Variants in ADCY1 observed in about 807,000 individuals in gnomAD.
ADCY1 encodes adenylate cyclase type 1.
In ADCY1, 28 loss-of-function variants were observed where a neutral mutation model predicts 105.4. That is an observed-to-expected ratio of 0.27 (90% CI 0.20 to 0.36). The LOEUF is 0.36. ADCY1 is among the 10% of genes least tolerant of loss of function. The pLI, the probability that ADCY1 is intolerant of heterozygous loss-of-function variation, is 1.00. For synonymous variants in ADCY1, 655 were observed against 623.8 expected (o/e 1.05, Z -0.75); for missense variants, 977 against 1,434.2 (o/e 0.68, Z 5.15).
chr7:45,677,765 C>T lies in ADCY1; in HGVS notation c.1606-104C>T, dbSNP rs1400884155. ...ATTATTAAATGTCAGATTCCCAAAC[C>T]CGACCCCACCCTGCAGCGGATCTGG... On this transcript the variant is annotated intron_variant, in intron 8 of 19. Coordinates refer to ENST00000297323, the MANE Select transcript of ADCY1 (RefSeq NM_021116.4). 4.6e-6 allele frequency: 6 copies of T among 1,291,844 alleles called. No individual in the cohort carries two copies. The African/African-American group carries it at 8.9e-5, about 19-fold the overall frequency. The allele number at this position is 1,291,844 out of a possible 1,614,324, so 80.0% of individuals were successfully genotyped here.
In ADCY1 at chr7:45,657,897, ATGGGG is replaced by A; in HGVS notation, c.1307+18_1307+22del. 4 of 422,682 alleles carry A rather than the reference ATGGGG, an allele frequency of 9.5e-6. No individual in the cohort carries two copies. The highest frequency in any genetic ancestry group is 1.4e-5 in the Non-Finnish European group (3 of 217,024). The allele number at this position is 422,682 out of a possible 1,614,324, so 26.2% of individuals were successfully genotyped here. The stretch of plus-strand genomic sequence containing the variant: ...GCTGGCCTGCCAGGGTAAGTCGGGG[ATGGGG>A]TGGGGAGGGGAGGGAGGTGGGTGAT... On this transcript the variant is annotated intron_variant, in intron 6 of 19. Coordinates refer to ENST00000297323, the MANE Select transcript of ADCY1 (RefSeq NM_021116.4).
At chr7:45,609,081 A>G (rs944005464) in intron 2 of ADCY1, among the ~76,000 whole-genome samples, 1 of 152,222 alleles carries the variant, frequency 6.6e-6, no homozygotes, top group Admixed American at 6.5e-5. Flanking sequence ...GGCTGTGCTC[A>G]TGGAATGCTA....
Position 45,574,610 on chromosome 7 carries a change from C to G in ADCY1, c.67C>G (p.Arg23Gly). The change falls in exon 1 of 20, where the codon CGG becomes GGG. Residue 23 changes from arginine to glycine, a missense_variant. Around this residue, in one of 7 missense-constraint regions of ADCY1, gnomAD observed 209 missense variants for 222.5 expected, o/e 0.94. Coordinates refer to ENST00000297323, the MANE Select transcript of ADCY1 (RefSeq NM_021116.4). This position sits in a 1 kb window ranked among gnomAD's most constrained non-coding sequence, Gnocchi z 7.0. ...GGAGEPGGAE[R>G]AAGTSRRRGL... ...CGCGGGCGAGCCCGGGGGCGCCGAG[C>G]GGGCGGCCGGGACAAGCCGCCGGCG... 8.7e-7 allele frequency: 1 copy of G among 1,145,806 alleles called. No homozygotes were observed. The highest frequency in any genetic ancestry group is 1.1e-6 in the Non-Finnish European group (1 of 933,982). 71.0% of individuals were successfully genotyped at this position (1,145,806 alleles called of 1,614,324 possible).
At chr7:45,623,642 G>A (rs1015095467) in intron 4 of ADCY1, among the ~76,000 whole-genome samples, 1 of 152,214 alleles carries the variant, frequency 6.6e-6, no homozygotes, top group Non-Finnish European at 1.5e-5. Flanking sequence ...TCAGCCATCA[G>A]ATTGAAAGCT....
Position 45,622,491 on chromosome 7 carries a change from C to T in ADCY1, c.909-141C>T, listed in dbSNP as rs934712645. Reference sequence around the variant, plus strand: ...CACCTGTATGATGGGAACCAGGAAGCCTTCATTTCTGGTCTGCATTGAGGA... The same window carrying T: ...CACCTGTATGATGGGAACCAGGAAGTCTTCATTTCTGGTCTGCATTGAGGA... On this transcript the variant is annotated intron_variant, in intron 3 of 19. Coordinates refer to ENST00000297323, the MANE Select transcript of ADCY1 (RefSeq NM_021116.4). The T allele has an allele frequency of 4.7e-6, 3 of 635,824 alleles. No individual in the cohort carries two copies. In the African/African-American group the frequency reaches 5.5e-5, roughly 12 times the overall value. The allele number at this position is 635,824 out of a possible 1,614,324, so 39.4% of individuals were successfully genotyped here.
intron 17 of ADCY1, among the ~76,000 whole-genome samples, chr7:45,706,321 C>T (rs571912430): frequency 3.3e-5 from 5 of 151,984 alleles, no homozygotes; most frequent in African/African-American, 7.3e-5. Context: ...ATCAAGACAG[C>T]GTGGTATTGG....
chr7:45,604,913 A>T (rs1793334210), intron 2 of ADCY1, among the ~76,000 whole-genome samples: 1 of 152,148 alleles, frequency 6.6e-6, no homozygotes. Context: ...CAATTTGGAG[A>T]GGGTTGACAT....
At chr7:45,599,463 A>G (rs1176402071) in intron 2 of ADCY1, among the ~76,000 whole-genome samples, 1 of 150,744 alleles carries the variant, frequency 6.6e-6, no homozygotes, top group Non-Finnish European at 1.5e-5. Context: ...TTTGCTCTGT[A>G]TCAGCTCCGG....
intron 2 of ADCY1, among the ~76,000 whole-genome samples, chr7:45,608,640 T>C (rs1280226510): frequency 1.3e-5 from 2 of 152,228 alleles, no homozygotes; most frequent in Non-Finnish European, 2.9e-5. Flanking sequence ...CCCAGCAGTC[T>C]TTCTTTCCTT....
At chr7:45,668,764 C>CT (rs1784310362) in intron 8 of ADCY1, among the ~76,000 whole-genome samples, 2 of 152,192 alleles carry the variant, frequency 1.3e-5, no homozygotes, top group African/African-American at 4.8e-5. Context: ...TAGTCCTGGA[C>CT]TTTTTTTGGT....
intron 1 of ADCY1, among the ~76,000 whole-genome samples, chr7:45,583,151 T>A (rs964894928): frequency 4.6e-5 from 7 of 152,224 alleles, no homozygotes. Context: ...TGTGGATACG[T>A]GTGACTGTAC....
chr7:45,605,485 A>T (rs927995138), intron 2 of ADCY1, among the ~76,000 whole-genome samples: 1 of 150,596 alleles, frequency 6.6e-6, no homozygotes, highest in South Asian at 2.1e-4. Flanking sequence ...TTTTTTTTCT[A>T]TTTTCATTTT....
At chr7:45,643,872 C>T (rs533472308) in intron 4 of ADCY1, among the ~76,000 whole-genome samples, 56 of 152,280 alleles carry the variant, frequency 3.7e-4, no homozygotes, top group African/African-American at 1.3e-3. Flanking sequence ...CAACAGGGCA[C>T]GCTGATTCCT....
rs372985659 is a variant in ADCY1, at chr7:45,710,507, C to T, written c.2933-21C>T. ...TACACTTTTCCCGCTGATGACAGGT[C>T]ATGCGCTGGCTGTTTTCTAGGCATC... On this transcript the variant is annotated intron_variant, in intron 18 of 19. Transcript: ENST00000297323. The surrounding 1 kb of genome is among the most constrained non-coding windows in gnomAD (Gnocchi z 4.7). 2.5e-6 allele frequency: 4 copies of T among 1,612,032 alleles called. No homozygotes were observed. Among genetic ancestry groups the T allele is most frequent in the Non-Finnish European group, 2.5e-6 (3 of 1,179,158 alleles).
At chr7:45,665,008 C>T (rs991753384) in intron 8 of ADCY1, among the ~76,000 whole-genome samples, 1 of 152,136 alleles carries the variant, frequency 6.6e-6, no homozygotes, top group Non-Finnish European at 1.5e-5. Context: ...TCAATTTCCA[C>T]TTATGAGTGA....
chr7:45,675,137 TG>T (rs1265567460), intron 8 of ADCY1, among the ~76,000 whole-genome samples: 1 of 152,182 alleles, frequency 6.6e-6, no homozygotes, highest in African/African-American at 2.4e-5. Context: ...CCTATGTTGC[TG>T]TGGTTTATGT....
At position 45,575,786 on chromosome 7, in the gene ADCY1, T is replaced by A. The variant is rs755627358; in HGVS notation, c.639+604T>A. On this transcript the variant is annotated intron_variant, in intron 1 of 19. Coordinates refer to ENST00000297323, the MANE Select transcript of ADCY1 (RefSeq NM_021116.4). This position sits in a 1 kb window ranked among gnomAD's most constrained non-coding sequence, Gnocchi z 4.7. ...CCAAGGTCAAACACAGTCTAGTCCCTGCCGCTGCCACTCGGCGGTTGCCCT... is the reference window on the plus strand; with the variant it reads ...CCAAGGTCAAACACAGTCTAGTCCCAGCCGCTGCCACTCGGCGGTTGCCCT... 2.6e-5 allele frequency among the ~76,000 whole-genome samples: 4 copies of A among 152,232 alleles called. No homozygotes were observed. Among genetic ancestry groups the A allele is most frequent in the Non-Finnish European group, 5.9e-5 (4 of 68,040 alleles).
chr7:45,691,577 G>A (rs544489381), intron 14 of ADCY1, among the ~76,000 whole-genome samples: 4 of 152,270 alleles, frequency 2.6e-5, no homozygotes, highest in Admixed American at 6.5e-5. Flanking sequence ...CAGCCTCTTC[G>A]CCTGTAAACT....
chr7:45,585,249 A>C (rs1028133151), intron 1 of ADCY1, among the ~76,000 whole-genome samples: 1 of 152,244 alleles, frequency 6.6e-6, no homozygotes, highest in Non-Finnish European at 1.5e-5. Context: ...CCTGCCCTGC[A>C]GTGTCAGTGA....
Sources: allele counts gnomAD v4.1 joint callset (sites outside exome capture counted in the v4.1 genomes callset), GRCh38; gene constraint gnomAD v4.1.1; regional missense constraint gnomAD v4.1.1; non-coding constraint Gnocchi (gnomAD v3.1); transcripts MANE v1.5; gene names NCBI Gene and HGNC (gene_info 2026-07-23, HGNC 2026-07-21).